COMMD10: variants seen among roughly 807,000 people sequenced by gnomAD.
The protein encoded by COMMD10 is COMM domain-containing protein 10.
In COMMD10, 33 loss-of-function variants were observed where a neutral mutation model predicts 28.9. The ratio of observed to expected loss-of-function variants is 1.14; its 90% confidence interval spans 0.87 to 1.53. The LOEUF is 1.53. COMMD10 is among the 40% of genes most tolerant of loss of function. The pLI is 0.00. For synonymous variants in COMMD10, 110 were observed against 81.7 expected (o/e 1.35, Z -1.87); for missense variants, 310 against 233.4 (o/e 1.33, Z -2.14).
At chr5:116,092,772 T>C in intron 4 of COMMD10, 72 bp downstream of exon 4, 1 of 1,135,780 alleles carries the variant, frequency 8.8e-7, no homozygotes, top group Non-Finnish European at 1.2e-6. Context: ...GAAGAGTTTT[T>C]AAAGTGATAA....
rs578154547 is a variant in COMMD10 at position 116,187,734 on chromosome 5, TAATTA to T, written c.510+53561_510+53565del. Among the ~76,000 whole-genome samples, 1,200 of 152,274 alleles carry T rather than the reference TAATTA, an allele frequency of 7.9e-3. 7 individuals are homozygous for T. Among genetic ancestry groups the T allele is most frequent in the Non-Finnish European group, 0.011 (723 of 67,994 alleles). On this transcript the variant is annotated intron_variant, in intron 5 of 6. Coordinates refer to ENST00000274458, the MANE Select transcript of COMMD10 (RefSeq NM_016144.4). ...ACTGAGTTGAGAAAGCATAGTATGG[TAATTA>T]AATTCTTTTTTTAACCAAACATTAT...
Position 116,186,514 on chromosome 5 carries a change from T to C in COMMD10, c.510+52336T>C, listed in dbSNP as rs537574210. Among the ~76,000 whole-genome samples, 25 of 152,318 alleles carry C rather than the reference T, an allele frequency of 1.6e-4. No homozygotes were observed. In the South Asian group the frequency reaches 1.9e-3, roughly 11 times the overall value. ...CCTTCCTCAACTCCTCCCACCTAAC[T>C]GTTCAGTTATCAGATGTGATCTTCT... On this transcript the variant is annotated intron_variant, in intron 5 of 6. Coordinates refer to ENST00000274458, the MANE Select transcript of COMMD10 (RefSeq NM_016144.4).
intron 5 of COMMD10, among the ~76,000 whole-genome samples, chr5:116,156,795 A>G (rs1202633019): frequency 6.6e-6 from 1 of 151,822 alleles, no homozygotes; most frequent in Non-Finnish European, 1.5e-5. Flanking sequence ...CCCAGACTAT[A>G]TTGTATTTGG....
At chr5:116,100,888 C>T (rs1024409478) in intron 4 of COMMD10, among the ~76,000 whole-genome samples, 3 of 152,128 alleles carry the variant, frequency 2.0e-5, no homozygotes, top group Non-Finnish European at 2.9e-5. Context: ...TATCCACCCT[C>T]GCAGCACCTC....
At chr5:116,225,587 T>TGCC (rs1749374690) in intron 5 of COMMD10, among the ~76,000 whole-genome samples, 2 of 152,100 alleles carry the variant, frequency 1.3e-5, no homozygotes, top group Non-Finnish European at 2.9e-5. Flanking sequence ...GTCCCCCTTG[T>TGCC]ATATGCACAG....
At chr5:116,106,774 GTTTT>G (rs1367976237) in intron 4 of COMMD10, among the ~76,000 whole-genome samples, 1 of 152,160 alleles carries the variant, frequency 6.6e-6, no homozygotes, top group Non-Finnish European at 1.5e-5. Flanking sequence ...TTTAAAGTCT[GTTTT>G]ATCAGAGACT....
intron 5 of COMMD10, among the ~76,000 whole-genome samples, chr5:116,265,188 G>A (rs367791934): frequency 6.6e-6 from 1 of 151,674 alleles, no homozygotes; most frequent in African/African-American, 2.4e-5. Flanking sequence ...AATGTGATGT[G>A]GGAAAGGAGG....
intron 5 of COMMD10, among the ~76,000 whole-genome samples, chr5:116,220,803 TA>T (rs1374465744): frequency 6.6e-6 from 1 of 152,144 alleles, no homozygotes; most frequent in African/African-American, 2.4e-5. Flanking sequence ...AGAGTGGGTT[TA>T]AAAAATTATT....
chr5:116,131,793 G>T (rs1450735389), intron 4 of COMMD10, among the ~76,000 whole-genome samples: 7 of 151,988 alleles, frequency 4.6e-5, no homozygotes, highest in African/African-American at 1.7e-4. Flanking sequence ...AGGGAACAGA[G>T]TAGCAGACTA....
chr5:116,285,574 C>T lies in COMMD10; in HGVS notation c.511-5943C>T, dbSNP rs528240929. Reference sequence around the variant, plus strand: ...GAGAAATGGCAATGATTATGACAGACATAAGTCAGATGCTTTTCTGTATCA... The same window carrying T: ...GAGAAATGGCAATGATTATGACAGATATAAGTCAGATGCTTTTCTGTATCA... On this transcript the variant is annotated intron_variant, in intron 5 of 6. Transcript: ENST00000274458. 8.5e-5 allele frequency among the ~76,000 whole-genome samples: 13 copies of T among 152,064 alleles called. 1 individual carries two copies. Among genetic ancestry groups the T allele is most frequent in the African/African-American group, 3.1e-4 (13 of 41,354 alleles).
chr5:116,275,679 C>T (rs1430219691), intron 5 of COMMD10, among the ~76,000 whole-genome samples: 1 of 151,480 alleles, frequency 6.6e-6, no homozygotes, highest in South Asian at 2.1e-4. Flanking sequence ...ATCAAAGCAC[C>T]AGAACATATC....
chr5:116,103,122 A>G (rs561030396), intron 4 of COMMD10, among the ~76,000 whole-genome samples: 10 of 152,144 alleles, frequency 6.6e-5, no homozygotes, highest in South Asian at 2.1e-4. Flanking sequence ...CAGTGCTGCA[A>G]TAAACATACA....
chr5:116,219,358 G>T (rs988202282), intron 5 of COMMD10, among the ~76,000 whole-genome samples: 1 of 152,074 alleles, frequency 6.6e-6, no homozygotes, highest in African/African-American at 2.4e-5. Context: ...GCTCCTCACA[G>T]ATAGAAACTG....
At chr5:116,106,307 T>G (rs2112729573) in intron 4 of COMMD10, among the ~76,000 whole-genome samples, 1 of 152,322 alleles carries the variant, frequency 6.6e-6, no homozygotes, top group Admixed American at 6.5e-5. Context: ...AGTGAGTTTC[T>G]TAATCTTGAG....
At chr5:116,116,021 A>G (rs907998269) in intron 4 of COMMD10, among the ~76,000 whole-genome samples, 2 of 152,158 alleles carry the variant, frequency 1.3e-5, no homozygotes, top group Non-Finnish European at 2.9e-5. Context: ...TCTCCTGCTA[A>G]GAATGTTCTT....
At chr5:116,231,000 C>T (rs1198986091) in intron 5 of COMMD10, among the ~76,000 whole-genome samples, 2 of 152,056 alleles carry the variant, frequency 1.3e-5, no homozygotes, top group African/African-American at 4.8e-5. Context: ...AGTAGCTAGC[C>T]TCTGGCTCCT....
intron 5 of COMMD10, among the ~76,000 whole-genome samples, chr5:116,214,928 C>T (rs985665978): frequency 4.6e-5 from 7 of 151,944 alleles, no homozygotes; most frequent in African/African-American, 1.5e-4. Flanking sequence ...ACTTTCATTC[C>T]CACTTATTAG....
chr5:116,171,006 A>G (rs752543721), intron 5 of COMMD10, among the ~76,000 whole-genome samples: 24 of 152,214 alleles, frequency 1.6e-4, no homozygotes, highest in Non-Finnish European at 1.5e-5. Context: ...TAAACTAAAG[A>G]GCTTCTGCAC....
chr5:116,268,301 G>T (rs1750656357), intron 5 of COMMD10, among the ~76,000 whole-genome samples: 1 of 151,782 alleles, frequency 6.6e-6, no homozygotes, highest in South Asian at 2.1e-4. Flanking sequence ...GATATGAACA[G>T]ACACTTCTCA....
Sources: gnomAD v4.1 joint callset for allele counts (sites outside exome capture counted in the v4.1 genomes callset) on GRCh38, gnomAD v4.1.1 for gene constraint, MANE v1.5 for transcripts, NCBI Gene and HGNC (gene_info 2026-07-23, HGNC 2026-07-21) for gene names.